The following EPG5 variants were observed in gnomAD, a reference collection of about 807,000 sequenced individuals.
The protein encoded by EPG5 is ectopic P granules protein 5 homolog.
In EPG5, 159 loss-of-function variants were observed where a neutral mutation model predicts 302.7. The observed-to-expected ratio is 0.53, with a 90% CI of 0.46 to 0.60. EPG5 has a LOEUF of 0.60. Among genes scored for constraint, EPG5 ranks in the 20% least tolerant of loss-of-function variants. EPG5 has a pLI of 0.00. For missense variants in EPG5, 2,896 were observed against 3,092.4 expected, an observed-to-expected ratio of 0.94 and a Z score of 1.51; for synonymous variants, 1,158 against 1,136.8, an observed-to-expected ratio of 1.02 and a Z score of -0.37.
chr18:45,950,818 CTA>C (rs2050890757), intron 4 of EPG5, among the ~76,000 whole-genome samples: 1 of 152,202 alleles, frequency 6.6e-6, no homozygotes, highest in African/African-American at 2.4e-5. Flanking sequence ...GAATATACAT[CTA>C]GTCTTCAATT....
the EPG5 span, chr18:45,840,257 G>A: frequency 6.2e-4 from 994 of 1,609,410 alleles, 1 homozygote; most frequent in Middle Eastern, 8.3e-4. Flanking sequence ...TGAGCTCCCC[G>A]CCTCCACCCT....
chr18:45,944,806 C>A (rs2050751613), intron 7 of EPG5, among the ~76,000 whole-genome samples: 1 of 152,180 alleles, frequency 6.6e-6, no homozygotes, highest in Non-Finnish European at 1.5e-5. Flanking sequence ...AGCTGCAATT[C>A]TCTTCTCCCA....
At chr18:45,884,077 A>G (rs1468860300) in intron 30 of EPG5, among the ~76,000 whole-genome samples, 2 of 152,258 alleles carry the variant, frequency 1.3e-5, no homozygotes, top group East Asian at 1.9e-4. Flanking sequence ...AGGATGTACT[A>G]AACTACTATT....
intron 16 of EPG5, 97 bp from the exon 17 acceptor site, chr18:45,917,916 C>T: frequency 1.6e-6 from 2 of 1,278,576 alleles, no homozygotes. Flanking sequence ...CTTGGGTTAT[C>T]TCAGGTCTCC....
chr18:45,870,684 T>G lies in EPG5; in HGVS notation c.6108A>C (p.Glu2036Asp). 1 of 1,613,426 alleles carries G rather than the reference T, an allele frequency of 6.2e-7. No individual in the cohort carries two copies. Among genetic ancestry groups the G allele is most frequent in the Non-Finnish European group, 8.5e-7 (1 of 1,179,688 alleles). ...CTGGCATTTTGGGTGCTGTACATGC[T>G]TCACAATAATGCATCAGGTGCAACC... ...ALWLHLMHYC[E>D]ACTAPKMPEF... Residue 2036 changes from glutamate (E) to aspartate (D), a missense_variant, in exon 36 of 44, where the codon GAA becomes GAC. Around this residue, in one of 5 missense-constraint regions of EPG5, gnomAD observed 620 missense variants for 704.2 expected, o/e 0.88. Coordinates refer to ENST00000282041, the MANE Select transcript of EPG5 (RefSeq NM_020964.3).
At position 45,850,964 on chromosome 18, in the gene EPG5, G is replaced by A. The variant is rs1370825478; in HGVS notation, c.*1503C>T. On this transcript the variant is annotated 3_prime_UTR_variant, in exon 44 of 44. Transcript: ENST00000282041. ...ATCCCTCTGAGACGGACATTTTGTG[G>A]CCTGTAAAACTCAAGAGACTAAACA... 6.6e-6 allele frequency: 1 copy of A among 152,276 alleles called. No homozygotes were observed. The highest frequency in any genetic ancestry group is 2.4e-5 in the African/African-American group (1 of 41,458). 9.4% of individuals were successfully genotyped at this position (152,276 alleles called of 1,614,324 possible).
At chr18:45,951,750 C>T (rs1214114179) in intron 3 of EPG5, among the ~76,000 whole-genome samples, 2 of 152,170 alleles carry the variant, frequency 1.3e-5, no homozygotes, top group Non-Finnish European at 2.9e-5. Flanking sequence ...TGAGCCACCA[C>T]ACCCGGCCAT....
the EPG5 span, among the ~76,000 whole-genome samples, chr18:45,826,038 GC>G: frequency 6.6e-6 from 1 of 152,182 alleles, no homozygotes; most frequent in Non-Finnish European, 1.5e-5. Context: ...AAGGCTACTT[GC>G]CCCACCCATT....
chr18:45,828,805 C>T, the EPG5 span, among the ~76,000 whole-genome samples: 5 of 152,122 alleles, frequency 3.3e-5, no homozygotes, highest in African/African-American at 4.8e-5. Context: ...TCTGAACTGC[C>T]GCAGAAAAAC....
intron 40 of EPG5, among the ~76,000 whole-genome samples, chr18:45,859,642 T>C (rs1487648457): frequency 6.6e-6 from 1 of 152,226 alleles, no homozygotes; most frequent in Non-Finnish European, 1.5e-5. Flanking sequence ...GAGCCCTTCA[T>C]AATGCTTTAA....
chr18:45,954,473 T>C lies in EPG5; in HGVS notation c.929A>G (p.Glu310Gly). Residue 310 changes from glutamate to glycine, a missense_variant, in exon 2 of 44, where the codon GAG becomes GGG. Physicochemically the swap from Glu to Gly is moderately conservative, Grantham distance 98 (BLOSUM62 -2). Coordinates refer to ENST00000282041, the MANE Select transcript of EPG5 (RefSeq NM_020964.3). ...GCAATCAGATGTCAGAGTAAGCAGC[T>C]CAGCTTCAGCCAGCAGCAGTTGCTT... is the stretch of plus-strand genomic sequence containing the variant. The part of the protein sequence containing the change: ...CRKQLLLAEA[E>G]LLTLTSDCQN... 1.2e-6 allele frequency: 2 copies of C among 1,614,258 alleles called. No individual in the cohort carries two copies.
chr18:45,936,874 A>T (rs2050541176), intron 10 of EPG5, among the ~76,000 whole-genome samples: 1 of 152,104 alleles, frequency 6.6e-6, no homozygotes, highest in Non-Finnish European at 1.5e-5. Flanking sequence ...ATTACAAATT[A>T]TCTAATTACA....
intron 1 of EPG5, among the ~76,000 whole-genome samples, chr18:45,965,734 G>A (rs1483998641): frequency 6.6e-6 from 1 of 152,214 alleles, no homozygotes; most frequent in African/African-American, 2.4e-5. Flanking sequence ...TGCGGGAGCA[G>A]CATTTAATCT....
Position 45,954,954 on chromosome 18 carries a change from C to T in EPG5, c.448G>A (p.Gly150Arg). The change falls in exon 2 of 44, where the codon GGA becomes AGA. Residue 150 changes from glycine to arginine, a missense_variant. Transcript: ENST00000282041. ...EVEENMSVQG[G>R]LSESAPQSNF... ...GATTGGGGTGCACTTTCTGAAAGTC[C>T]ACCTTGTACCGACATATTTTCCTCT... 1.2e-6 allele frequency: 2 copies of T among 1,613,384 alleles called. No individual in the cohort carries two copies. Among genetic ancestry groups the T allele is most frequent in the Non-Finnish European group, 1.7e-6 (2 of 1,179,838 alleles).
chr18:45,933,409 T>C (rs1380842330), intron 11 of EPG5, among the ~76,000 whole-genome samples: 3 of 152,204 alleles, frequency 2.0e-5, no homozygotes, highest in African/African-American at 7.2e-5. Flanking sequence ...CTGAGTACGG[T>C]GGCTCACGCC....
At chr18:45,837,012 A>G in the EPG5 span, 1 of 1,260,070 alleles carries the variant, frequency 7.9e-7, no homozygotes, top group Middle Eastern at 1.9e-4. Flanking sequence ...CCCGGGGTTA[A>G]CTGTGTTTAT....
At chr18:45,944,526 G>A (rs568163365) in intron 7 of EPG5, among the ~76,000 whole-genome samples, 3 of 152,254 alleles carry the variant, frequency 2.0e-5, no homozygotes, top group South Asian at 4.2e-4. Context: ...AGGCCGAGGC[G>A]GGCAGATCAC....
At chr18:45,814,105 T>C in the EPG5 span, among the ~76,000 whole-genome samples, 1 of 152,136 alleles carries the variant, frequency 6.6e-6, no homozygotes, top group African/African-American at 2.4e-5. Flanking sequence ...CAAAGGAACC[T>C]GGAAGACATC....
At chr18:45,853,604 AGAAAATAT>A (rs1599414727) in intron 43 of EPG5, among the ~76,000 whole-genome samples, 3 of 152,226 alleles carry the variant, frequency 2.0e-5, no homozygotes, top group Non-Finnish European at 2.9e-5. Flanking sequence ...CCACTGCACT[AGAAAATAT>A]GTATTAAAAG....
Sources: gnomAD v4.1 joint callset for allele counts (sites outside exome capture counted in the v4.1 genomes callset) on GRCh38, gnomAD v4.1.1 for gene constraint, gnomAD v4.1.1 regional missense constraint, MANE v1.5 for transcripts, NCBI Gene and HGNC (gene_info 2026-07-23, HGNC 2026-07-21) for gene names.